Variants in CTR9 observed in about 807,000 individuals in gnomAD.
The protein encoded by CTR9 is CTR9 component of Paf1/RNA polymerase II complex.
CTR9 carries 41 observed loss-of-function variants against 152.1 expected under a neutral mutation model. The observed-to-expected ratio is 0.27, with a 90% CI of 0.21 to 0.35. The LOEUF (loss-of-function observed/expected upper bound fraction) is 0.35, where lower values mean the gene tolerates loss of function less well. Among genes scored for constraint, CTR9 ranks in the 10% least tolerant of loss-of-function variants. The pLI, the probability that CTR9 is intolerant of heterozygous loss-of-function variation, is 1.00. For synonymous variants in CTR9, 476 were observed against 496.2 expected, an observed-to-expected ratio of 0.96 and a Z score of 0.54; for missense variants, 917 against 1,424.4, an observed-to-expected ratio of 0.64 and a Z score of 5.73.
At chr11:10,763,600 A>G (rs755193632) in intron 8 of CTR9, 43 bp from the exon 9 acceptor site, 2 of 1,570,564 alleles carry the variant, frequency 1.3e-6, no homozygotes, top group South Asian at 1.2e-5. Flanking sequence ...AGTCTTTCCA[A>G]TACTTTTGTA....
At chr11:10,775,180 ACTCT>A (rs1863211828) in intron 22 of CTR9, 23 bp from the exon 23 acceptor site, 7 of 1,574,230 alleles carry the variant, frequency 4.4e-6, no homozygotes, top group Non-Finnish European at 6.1e-6. Context: ...CTCTTGACAA[ACTCT>A]CTCTTGGTGT....
Position 10,774,124 on chromosome 11 carries a change from G to C in CTR9, c.2840G>C (p.Gly947Ala), listed in dbSNP as rs1345957419. Residue 947 changes from glycine to alanine, a missense_variant, in exon 22 of 25, where the codon GGT becomes GCT. Physicochemically the swap from Gly to Ala is moderately conservative, Grantham distance 60. Around this residue, in one of 9 missense-constraint regions of CTR9, gnomAD observed 384 missense variants for 398.4 expected, o/e 0.96. Transcript: ENST00000361367. ...AAGGGTAGTGGCAGTGAACAAGAAG[G>C]TGAAGATGAGGAGGGTGGTGAGAGA... ...RRKGSGSEQEGEDEEGGERKK... is the reference protein window; with the variant it reads ...RRKGSGSEQEAEDEEGGERKK... 1.2e-6 allele frequency: 2 copies of C among 1,604,718 alleles called. No individual in the cohort carries two copies. The highest frequency in any genetic ancestry group is 1.7e-6 in the Non-Finnish European group (2 of 1,171,614).
At chr11:10,765,379 TTTTG>T (rs1361178924) in intron 12 of CTR9, among the ~76,000 whole-genome samples, 11 of 152,138 alleles carry the variant, frequency 7.2e-5, no homozygotes, top group African/African-American at 2.4e-4. Flanking sequence ...ATGAGGGTTT[TTTTG>T]TTTGTTTTTG....
At chr11:10,764,070 T>G (rs1863019839) in intron 9 of CTR9, 42 bp from the exon 10 acceptor site, 1 of 1,588,108 alleles carries the variant, frequency 6.3e-7, no homozygotes, top group Non-Finnish European at 8.6e-7. Context: ...TTTGACAACC[T>G]ATAGATGGAA....
Position 10,763,426 on chromosome 11 carries a change from T to C in CTR9, c.850-5T>C. 1 of 1,598,590 alleles carries C rather than the reference T, an allele frequency of 6.3e-7. No individual in the cohort carries two copies. Among genetic ancestry groups the C allele is most frequent in the South Asian group, 1.1e-5 (1 of 90,238 alleles). On this transcript the variant is annotated splice_polypyrimidine_tract_variant and splice_region_variant and intron_variant, in intron 7 of 24. Coordinates refer to ENST00000361367, the MANE Select transcript of CTR9 (RefSeq NM_014633.5). ...CACTCAGTTGACTTTCTGATCTTTG[T>C]TCAGGATTATAGTAAAGTCCAGCAT... is the stretch of plus-strand genomic sequence containing the variant.
At chr11:10,775,719 A>G in intron 24 of CTR9, 86 bp downstream of exon 24, 1 of 814,584 alleles carries the variant, frequency 1.2e-6, no homozygotes, top group Non-Finnish European at 1.8e-6. Context: ...ACTAAGAAAA[A>G]TATACTTTTC....
At chr11:10,775,959 A>G (rs1441703478) in intron 24 of CTR9, among the ~76,000 whole-genome samples, 1 of 152,222 alleles carries the variant, frequency 6.6e-6, no homozygotes. Flanking sequence ...AATTTCCTAG[A>G]TGACATCCTT....
At chr11:10,762,873 C>T (rs1216977055) in intron 7 of CTR9, among the ~76,000 whole-genome samples, 1 of 151,642 alleles carries the variant, frequency 6.6e-6, no homozygotes, top group Non-Finnish European at 1.5e-5. Context: ...GACATGGTGG[C>T]ACATACCTGT....
At position 10,757,348 on chromosome 11, in the gene CTR9, G is replaced by T. The variant is rs535200625; in HGVS notation, c.592+510G>T. 5.3e-5 allele frequency among the ~76,000 whole-genome samples: 8 copies of T among 151,666 alleles called. No homozygotes were observed. The South Asian group carries it at 6.3e-4, about 12-fold the overall frequency. On this transcript the variant is annotated intron_variant, in intron 5 of 24. Transcript: ENST00000361367. ...TTCACACCTGTAATCTCAGCACTTT[G>T]GGAGGGTGAGGTAGAAGGATTGCTT...
intron 5 of CTR9, among the ~76,000 whole-genome samples, chr11:10,758,688 G>A (rs919857014): frequency 1.4e-4 from 22 of 152,132 alleles, no homozygotes; most frequent in Admixed American, 1.2e-3. Context: ...CCTGAGTCAC[G>A]TGGCATGCAG....
At chr11:10,759,587 A>T (rs1216388308) in intron 5 of CTR9, among the ~76,000 whole-genome samples, 7 of 152,270 alleles carry the variant, frequency 4.6e-5, no homozygotes, top group African/African-American at 1.7e-4. Context: ...GAGGATTTGT[A>T]TAAGATGGCA....
Position 10,775,653 on chromosome 11 carries a change from T to C in CTR9, c.3095+20T>C. The C allele has an allele frequency of 6.7e-7, 1 of 1,496,324 alleles. No individual in the cohort carries two copies. 92.7% of individuals were successfully genotyped at this position (1,496,324 alleles called of 1,614,324 possible). A position where few individuals can be genotyped will look rare whatever the true frequency, so the allele number is the denominator to read the frequency against. On this transcript the variant is annotated intron_variant, in intron 24 of 24. Transcript: ENST00000361367. ...TGAAGGGTAGGATATTTTCTCTTTG[T>C]AAATTCTTCTCATGATGTAGATAAA...
intron 7 of CTR9, 37 bp from the exon 8 acceptor site, chr11:10,763,394 A>T: frequency 7.2e-7 from 1 of 1,387,906 alleles, no homozygotes; most frequent in Non-Finnish European, 1.0e-6. Flanking sequence ...AGCTAGTCTT[A>T]TGAATTCACT....
chr11:10,763,418 G>T lies in CTR9; in HGVS notation c.850-13G>T, dbSNP rs1459582529. 6.3e-7 allele frequency: 1 copy of T among 1,578,514 alleles called. No homozygotes were observed. The highest frequency in any genetic ancestry group is 8.7e-7 in the Non-Finnish European group (1 of 1,150,066). On this transcript the variant is annotated splice_polypyrimidine_tract_variant and intron_variant, in intron 7 of 24. Transcript: ENST00000361367. ...TATGAATTCACTCAGTTGACTTTCT[G>T]ATCTTTGTTCAGGATTATAGTAAAG... is the stretch of plus-strand genomic sequence containing the variant.
chr11:10,753,955 C>A (rs914346614), intron 2 of CTR9, among the ~76,000 whole-genome samples: 5 of 152,150 alleles, frequency 3.3e-5, no homozygotes, highest in African/African-American at 1.2e-4. Context: ...TTAGCATCTA[C>A]CTCATAGAGT....
In CTR9 at chr11:10,767,703, A is replaced by G; in HGVS notation, c.1687-103A>G. 1.0e-6 allele frequency: 1 copy of G among 1,002,394 alleles called. No individual in the cohort carries two copies. Among genetic ancestry groups the G allele is most frequent in the Non-Finnish European group, 1.5e-6 (1 of 668,544 alleles). The allele number at this position is 1,002,394 out of a possible 1,614,324, so 62.1% of individuals were successfully genotyped here. A position where few individuals can be genotyped will look rare whatever the true frequency, so the allele number is the denominator to read the frequency against. ...GAAAAGAAAGAAAACCACTGTTGTAATATAGTTTGTAAACCTCTTCAGTAA... is the reference window on the plus strand; with the variant it reads ...GAAAAGAAAGAAAACCACTGTTGTAGTATAGTTTGTAAACCTCTTCAGTAA... On this transcript the variant is annotated intron_variant, in intron 13 of 24. Coordinates refer to ENST00000361367, the MANE Select transcript of CTR9 (RefSeq NM_014633.5). This position sits in a 1 kb window ranked among gnomAD's most constrained non-coding sequence, Gnocchi z 4.0.
In CTR9 at chr11:10,778,793, C is replaced by T. The variant is rs140801316; in HGVS notation, c.3210C>T (p.Ala1070=). The change falls in exon 25 of 25, where the codon GCC becomes GCT. Residue 1070 remains alanine (A), a synonymous_variant. Coordinates refer to ENST00000361367, the MANE Select transcript of CTR9 (RefSeq NM_014633.5). ...ACCAGAACAAGTCTGGCAGCGAGGC[C>T]GGCAGTCCCCGGAGGCCACGAAGAC... The part of the protein sequence containing the change: ...DENQNKSGSE[A]GSPRRPRRQR... The T allele has an allele frequency of 9.9e-6, 16 of 1,614,172 alleles. No individual in the cohort carries two copies. Among genetic ancestry groups the T allele is most frequent in the East Asian group, 6.7e-5 (3 of 44,878 alleles).
Position 10,775,224 on chromosome 11 carries a change from A to G in CTR9, c.2903A>G (p.Glu968Gly). ...TATTTAAGACATCCAAAGGGAGAAG[A>G]AGGATCTGATGATGATGAAACAGAA... is the stretch of plus-strand genomic sequence containing the variant. ...KKRRRHPKGE[E>G]GSDDDETENG... The change falls in exon 23 of 25, where the codon GAA (glutamate) becomes GGA (glycine). Residue 968 changes from glutamate to glycine, a missense_variant. Coordinates refer to ENST00000361367, the MANE Select transcript of CTR9 (RefSeq NM_014633.5). 1 of 1,613,994 alleles carries G rather than the reference A, an allele frequency of 6.2e-7. No homozygotes were observed. The highest frequency in any genetic ancestry group is 1.1e-5 in the South Asian group (1 of 91,056).
intron 2 of CTR9, among the ~76,000 whole-genome samples, chr11:10,754,198 A>G (rs943738828): frequency 4.6e-5 from 7 of 152,232 alleles, no homozygotes; most frequent in African/African-American, 1.7e-4. Context: ...TTATAAGTCA[A>G]ACAGATGCCT....
Sources: allele counts gnomAD v4.1 joint callset (sites outside exome capture counted in the v4.1 genomes callset), GRCh38; gene constraint gnomAD v4.1.1; regional missense constraint gnomAD v4.1.1; non-coding constraint Gnocchi (gnomAD v3.1); transcripts MANE v1.5; gene names NCBI Gene and HGNC (gene_info 2026-07-23, HGNC 2026-07-21).